SCNN1B: variants seen among roughly 807,000 people sequenced by gnomAD.
The protein encoded by SCNN1B is sodium channel epithelial 1 subunit beta.
A neutral mutation model predicts 65.3 loss-of-function variants in SCNN1B; 46 were observed. The observed-to-expected ratio is 0.70, with a 90% confidence interval of 0.56 to 0.90. The LOEUF is 0.90. Among genes scored for constraint, SCNN1B ranks in the 40% least tolerant of loss-of-function variants. SCNN1B has a pLI of 0.00. For synonymous variants in SCNN1B, 349 were observed against 330.6 expected (o/e 1.06, Z -0.60); for missense variants, 751 against 830.5 (o/e 0.90, Z 1.18).
chr16:23,349,326 A>G (rs1032020473), intron 2 of SCNN1B, among the ~76,000 whole-genome samples: 3 of 152,092 alleles, frequency 2.0e-5, no homozygotes, highest in African/African-American at 7.2e-5. Context: ...AAAAGTAAAT[A>G]ATTTTTTTTA....
At chr16:23,379,884 G>A (rs1963001929) in intron 11 of SCNN1B, among the ~76,000 whole-genome samples, 1 of 152,232 alleles carries the variant, frequency 6.6e-6, no homozygotes, top group African/African-American at 2.4e-5. Flanking sequence ...GGGCACGCAT[G>A]AGAGAAGCTC....
chr16:23,308,872 G>A (rs1961277777), intron 1 of SCNN1B, among the ~76,000 whole-genome samples: 1 of 152,090 alleles, frequency 6.6e-6, no homozygotes, highest in Non-Finnish European at 1.5e-5. Context: ...CAAAGTGCTG[G>A]GATTACAGGT....
chr16:23,302,072 G>A (rs1187495661), upstream of SCNN1B, among the ~76,000 whole-genome samples: 1 of 152,152 alleles, frequency 6.6e-6, no homozygotes, highest in African/African-American at 2.4e-5. Context: ...TATTCGTGGC[G>A]CATGTGGGTA....
intron 1 of SCNN1B, among the ~76,000 whole-genome samples, chr16:23,306,500 A>G (rs1046569819): frequency 2.0e-5 from 3 of 151,764 alleles, no homozygotes; most frequent in African/African-American, 7.3e-5. Context: ...TTATACTCCA[A>G]TTATACTCCT....
At chr16:23,283,288 G>A (rs982370302) in intron 1 of SCNN1B, among the ~76,000 whole-genome samples, 1 of 152,202 alleles carries the variant, frequency 6.6e-6, no homozygotes, top group African/African-American at 2.4e-5. Flanking sequence ...GCACATGCCT[G>A]TAGTCCCAGC....
chr16:23,362,875 G>T (rs1007833553), intron 4 of SCNN1B, among the ~76,000 whole-genome samples: 1 of 152,148 alleles, frequency 6.6e-6, no homozygotes, highest in African/African-American at 2.4e-5. Context: ...TTCTTTTCCT[G>T]TGGCCACAGC....
chr16:23,356,166 T>C (rs1213851832), intron 4 of SCNN1B, among the ~76,000 whole-genome samples: 8 of 152,136 alleles, frequency 5.3e-5, no homozygotes, highest in Admixed American at 5.2e-4. Context: ...CAGACCTCAC[T>C]TCTAGCAGCT....
chr16:23,346,015 C>A lies in SCNN1B; in HGVS notation c.-8-2577C>A, dbSNP rs1198148626. Among the ~76,000 whole-genome samples, 6 of 152,012 alleles carry A rather than the reference C, an allele frequency of 3.9e-5. No individual in the cohort carries two copies. In the East Asian group the frequency reaches 1.2e-3, roughly 29 times the overall value. On this transcript the variant is annotated intron_variant, in intron 1 of 12. Transcript: ENST00000343070. The stretch of plus-strand genomic sequence containing the variant: ...GGGGAAGCAGGAATGTCCTTAGAAA[C>A]CCTCATGTGCCATAACAAGTACCTG...
At chr16:23,345,193 G>T (rs1008205653) in intron 1 of SCNN1B, among the ~76,000 whole-genome samples, 1 of 152,192 alleles carries the variant, frequency 6.6e-6, no homozygotes, top group Non-Finnish European at 1.5e-5. Context: ...TATACATCTG[G>T]ATATTCTGTG....
chr16:23,328,261 T>C (rs1458788042), intron 1 of SCNN1B, among the ~76,000 whole-genome samples: 2 of 152,180 alleles, frequency 1.3e-5, no homozygotes, highest in African/African-American at 2.4e-5. Flanking sequence ...TTAGAAAACA[T>C]ATATAATTAG....
At chr16:23,288,074 T>G (rs2141969232) in intron 2 of SCNN1B, among the ~76,000 whole-genome samples, 1 of 152,222 alleles carries the variant, frequency 6.6e-6, no homozygotes, top group South Asian at 2.1e-4. Flanking sequence ...AAGCATCACT[T>G]GAGCCCTGGT....
At chr16:23,376,976 G>A (rs1399449508) in intron 8 of SCNN1B, among the ~76,000 whole-genome samples, 189 bp from the exon 9 acceptor site, 1 of 152,190 alleles carries the variant, frequency 6.6e-6, no homozygotes, top group Admixed American at 6.5e-5. Flanking sequence ...CTGGGCCCCA[G>A]GCCAGGCTGG....
chr16:23,327,749 C>G (rs1961726631), intron 1 of SCNN1B, among the ~76,000 whole-genome samples: 1 of 152,154 alleles, frequency 6.6e-6, no homozygotes, highest in African/African-American at 2.4e-5. Flanking sequence ...TGGTGCTTGG[C>G]TAGCAGGTGA....
rs1171799300 is a variant in SCNN1B, at chr16:23,348,853, T to G, written c.254T>G (p.Val85Gly). 4 of 1,613,982 alleles carry G rather than the reference T, an allele frequency of 2.5e-6. No homozygotes were observed. The highest frequency in any genetic ancestry group is 2.5e-6 in the Non-Finnish European group (3 of 1,180,032). The stretch of plus-strand genomic sequence containing the variant: ...TGGGAGGTCAGCGTCTCCCTCTCCG[T>G]AGGCTTCAAGACCATGGACTTCCCT... ...LSWEVSVSLS[V>G]GFKTMDFPAV... is the part of the protein sequence containing the mutation. Residue 85 changes from valine to glycine, a missense_variant, in exon 2 of 13, where the codon GTA (valine) becomes GGA (glycine). By Grantham distance (109) the Val-to-Gly change is moderately radical. Transcript: ENST00000343070. This position sits in a 1 kb window ranked among gnomAD's most constrained non-coding sequence, Gnocchi z 4.5.
intron 1 of SCNN1B, among the ~76,000 whole-genome samples, chr16:23,337,872 G>A (rs183887473): frequency 4.5e-4 from 69 of 152,074 alleles, no homozygotes; most frequent in Admixed American, 4.1e-3. Context: ...TTCAAGACCA[G>A]CTGGGCAACA....
At chr16:23,356,336 G>T (rs540000377) in intron 4 of SCNN1B, among the ~76,000 whole-genome samples, 1 of 152,012 alleles carries the variant, frequency 6.6e-6, no homozygotes, top group East Asian at 2.0e-4. Flanking sequence ...CTAGAACAAG[G>T]CTATGAGGCT....
Position 23,281,167 on chromosome 16 carries a change from CCACACCTGTAATCCCAA to C in SCNN1B, n.111-2566_111-2550del, listed in dbSNP as rs199868737. On this transcript the variant is annotated intron_variant and non_coding_transcript_variant, in intron 1 of 3. Transcript: ENST00000569789. ...TATTAAGATTAAATAAGGCGGTGGC[CCACACCTGTAATCCCAA>C]CACTTTGGGAGGCCAAAGTGGGTGG... Among the ~76,000 whole-genome samples, 22 of 152,118 alleles carry C rather than the reference CCACACCTGTAATCCCAA, an allele frequency of 1.4e-4. No homozygotes were observed. In the East Asian group the frequency reaches 1.7e-3, roughly 12 times the overall value.
At chr16:23,305,581 A>ATATATATATATATATATATATAT (rs1961198824) in intron 1 of SCNN1B, among the ~76,000 whole-genome samples, 2 of 33,410 alleles carry the variant, frequency 6.0e-5, no homozygotes, top group African/African-American at 3.5e-4. Flanking sequence ...TATATATTAT[A>ATATATATATATATATATATATAT]TATATATATA....
intron 1 of SCNN1B, among the ~76,000 whole-genome samples, chr16:23,302,858 C>T (rs1261981536): frequency 6.6e-6 from 1 of 152,146 alleles, no homozygotes; most frequent in Non-Finnish European, 1.5e-5. Context: ...CACAGGGCAT[C>T]CCTGTGGGGT....
Sources: allele counts gnomAD v4.1 joint callset (sites outside exome capture counted in the v4.1 genomes callset), GRCh38; gene constraint gnomAD v4.1.1; non-coding constraint Gnocchi (gnomAD v3.1); transcripts MANE v1.5; gene names NCBI Gene and HGNC (gene_info 2026-07-23, HGNC 2026-07-21).